Variants in ACSBG2 observed in about 807,000 individuals in gnomAD.
ACSBG2 encodes the protein long-chain-fatty-acid--CoA ligase ACSBG2.
In ACSBG2, 62 loss-of-function variants were observed where a neutral mutation model predicts 74.7. The ratio of observed to expected loss-of-function variants is 0.83; its 90% CI spans 0.68 to 1.03. The LOEUF is 1.03. Among genes scored for constraint, ACSBG2 ranks in the 50% least tolerant of loss-of-function variants. ACSBG2 has a pLI of 0.00. For synonymous variants in ACSBG2, 309 were observed against 294.1 expected (o/e 1.05, Z -0.52); for missense variants, 730 against 817.6 (o/e 0.89, Z 1.31).
At chr19:6,192,605 G>A (rs1271172989) in intron 14 of ACSBG2, 63 bp from the exon 15 acceptor site, 1 of 152,146 alleles carries the variant, frequency 6.6e-6, no homozygotes, top group Non-Finnish European at 1.5e-5. Context: ...GTGGGATCTT[G>A]GAGACTGAAT....
At chr19:6,137,146 G>A (rs1425185848) in intron 1 of ACSBG2, among the ~76,000 whole-genome samples, 1 of 150,310 alleles carries the variant, frequency 6.7e-6, no homozygotes, top group Non-Finnish European at 1.5e-5. Context: ...AAGAAAAGAG[G>A]GGCCTGGTGT....
At chr19:6,190,823 A>G in intron 14 of ACSBG2, 131 bp downstream of exon 14, 1 of 535,640 alleles carries the variant, frequency 1.9e-6, no homozygotes. Context: ...ACACACACAC[A>G]CACACACACA....
In ACSBG2 at chr19:6,182,931, G is replaced by A. The variant is rs746062729; in HGVS notation, c.1087G>A (p.Gly363Arg). ...CAAGGTCAACTCAAAAAAGATGTTG[G>A]GGTAGGTGGAGCATCCAGAGGGCTG... ...GFKVNSKKML[G>R]KYNTPVSYRM... The change falls in exon 9 of 15, where the codon GGG (glycine) becomes AGG (arginine). Residue 363 changes from glycine to arginine, a missense_variant and splice_region_variant. Physicochemically the swap from Gly to Arg is moderately radical, Grantham distance 125 (BLOSUM62 -2). Coordinates refer to ENST00000588485, the MANE Select transcript of ACSBG2 (RefSeq NM_030924.5). The A allele has an allele frequency of 2.5e-6, 4 of 1,614,052 alleles. No homozygotes were observed. In the Admixed American group the frequency reaches 6.7e-5, roughly 27 times the overall value.
At chr19:6,173,683 C>T (rs1019258444) in intron 7 of ACSBG2, among the ~76,000 whole-genome samples, 7 of 152,144 alleles carry the variant, frequency 4.6e-5, no homozygotes, top group Non-Finnish European at 1.0e-4. Context: ...CAAAACTTAT[C>T]CATTTACCAG....
At chr19:6,144,205 C>T (rs2088949043) in intron 2 of ACSBG2, among the ~76,000 whole-genome samples, 3 of 152,160 alleles carry the variant, frequency 2.0e-5, no homozygotes, top group Admixed American at 2.0e-4. Context: ...GCCATGTTAG[C>T]GAGGATGGTC....
rs965902278 is a variant in ACSBG2, at chr19:6,151,226, TAA to T, written c.298-479_298-478del. On this transcript the variant is annotated intron_variant, in intron 3 of 14. Coordinates refer to ENST00000588485, the MANE Select transcript of ACSBG2 (RefSeq NM_030924.5). Reference sequence around the variant, plus strand: ...AAATGGTGTGTTATGTAGAGGGAGGTAAACAAACCTCCCGTAGTCATAAAAAT... The same window carrying T: ...AAATGGTGTGTTATGTAGAGGGAGGTACAAACCTCCCGTAGTCATAAAAAT... Among the ~76,000 whole-genome samples the T allele has an allele frequency of 1.2e-4, 18 of 151,076 alleles. 1 individual carries two copies. Among genetic ancestry groups the T allele is most frequent in the African/African-American group, 4.4e-4 (18 of 41,110 alleles).
chr19:6,141,385 G>T, intron 1 of ACSBG2, 128 bp from the exon 2 acceptor site: 2 of 600,838 alleles, frequency 3.3e-6, no homozygotes, highest in Non-Finnish European at 3.0e-6. Flanking sequence ...CTCCTCCCAG[G>T]CCCAGGACAG....
rs557666872 is a variant in ACSBG2 at position 6,155,237 on chromosome 19, T to C, written c.387-1194T>C. On this transcript the variant is annotated intron_variant, in intron 4 of 14. Transcript: ENST00000588485. ...GTTCAGTGGTGCTGGACCAACTGGA[T>C]ATTTGTATGGAAAAATAAATCAGCC... 1.8e-4 allele frequency among the ~76,000 whole-genome samples: 28 copies of C among 152,260 alleles called. No homozygotes were observed. In the South Asian group the frequency reaches 5.4e-3, roughly 29 times the overall value.
rs144241184 is a variant in ACSBG2, at chr19:6,167,420, T to C, written c.738+1405T>C. Among the ~76,000 whole-genome samples, 420 of 152,320 alleles carry C rather than the reference T, an allele frequency of 2.8e-3. 4 individuals are homozygous for C. The highest frequency in any genetic ancestry group is 9.7e-3 in the African/African-American group (404 of 41,584). ...ATTGCAAAAGTCAGCCTCCACTCCCTTAATACACTGTCTCAGCTAGTGCTG... is the reference window on the plus strand; with the variant it reads ...ATTGCAAAAGTCAGCCTCCACTCCCCTAATACACTGTCTCAGCTAGTGCTG... On this transcript the variant is annotated intron_variant, in intron 7 of 14. Coordinates refer to ENST00000588485, the MANE Select transcript of ACSBG2 (RefSeq NM_030924.5).
At position 6,185,672 on chromosome 19, in the gene ACSBG2, T is replaced by C. The variant is rs552186544; in HGVS notation, c.1540+19T>C. ...ATCAAAGGTACCAGGGGCTGAGCTC[T>C]TTGGGAATCTCCTGCAAGCAGGCCC... On this transcript the variant is annotated intron_variant, in intron 11 of 14. Coordinates refer to ENST00000588485, the MANE Select transcript of ACSBG2 (RefSeq NM_030924.5). 21 of 1,613,096 alleles carry C rather than the reference T, an allele frequency of 1.3e-5. No homozygotes were observed. The South Asian group carries it at 2.1e-4, about 16-fold the overall frequency.
In ACSBG2 at chr19:6,165,937, G is replaced by A. The variant is rs777999286; in HGVS notation, c.660G>A (p.Lys220=). ...TQLEQVIESQ[K]ANQCAVLIYT... is the part of the protein sequence containing the mutation. ...TGGAGCAGGTCATCGAGAGCCAGAA[G>A]GCGAATCAATGCGCAGTGCTCATCT... Residue 220 remains lysine (K), a synonymous_variant, in exon 7 of 15, where the codon AAG becomes AAA. Transcript: ENST00000588485. The A allele has an allele frequency of 3.7e-6, 6 of 1,613,862 alleles. No homozygotes were observed. The African/African-American group carries it at 8.0e-5, about 22-fold the overall frequency.
At chr19:6,183,795 GTTTA>G (rs2090327596) in intron 10 of ACSBG2, among the ~76,000 whole-genome samples, 1 of 152,090 alleles carries the variant, frequency 6.6e-6, no homozygotes, top group South Asian at 2.1e-4. Flanking sequence ...TCATACATGT[GTTTA>G]TTTATTAAAT....
chr19:6,145,174 G>A (rs910012871), intron 2 of ACSBG2, among the ~76,000 whole-genome samples: 7 of 152,096 alleles, frequency 4.6e-5, no homozygotes, highest in East Asian at 3.9e-4. Flanking sequence ...CGAGGCAGGC[G>A]GATCACAAGG....
chr19:6,169,652 A>C (rs2089909624), intron 7 of ACSBG2, among the ~76,000 whole-genome samples: 1 of 152,148 alleles, frequency 6.6e-6, no homozygotes, highest in Non-Finnish European at 1.5e-5. Flanking sequence ...ATTGTGATGA[A>C]TCTGTAGATT....
At chr19:6,189,245 G>A (rs972089482) in intron 13 of ACSBG2, among the ~76,000 whole-genome samples, 2 of 152,104 alleles carry the variant, frequency 1.3e-5, no homozygotes, top group African/African-American at 4.8e-5. Context: ...GTAGCTTGCT[G>A]CCACCCCCAT....
At chr19:6,166,578 G>T (rs889871300) in intron 7 of ACSBG2, among the ~76,000 whole-genome samples, 1 of 152,190 alleles carries the variant, frequency 6.6e-6, no homozygotes, top group Non-Finnish European at 1.5e-5. Flanking sequence ...CTCCCAAAGT[G>T]CTGGGATTAC....
chr19:6,176,087 C>T (rs1408529261), intron 7 of ACSBG2: 6 of 335,482 alleles, frequency 1.8e-5, no homozygotes, highest in Non-Finnish European at 3.2e-5. Flanking sequence ...AATTTTGCAA[C>T]TCCTCCTAAC....
intron 13 of ACSBG2, among the ~76,000 whole-genome samples, chr19:6,188,640 C>T (rs1044776150): frequency 6.6e-6 from 1 of 152,036 alleles, no homozygotes; most frequent in Non-Finnish European, 1.5e-5. Flanking sequence ...AAACAAAAAA[C>T]AAACAAACAA....
At chr19:6,137,230 C>T (rs916037651) in intron 1 of ACSBG2, 4 of 113,840 alleles carry the variant, frequency 3.5e-5, no homozygotes, top group Non-Finnish European at 5.2e-5. Context: ...GGGGGGCTTG[C>T]TTGAGGCCAG....
Sources: gnomAD v4.1 joint callset for allele counts (sites outside exome capture counted in the v4.1 genomes callset) on GRCh38, gnomAD v4.1.1 for gene constraint, MANE v1.5 for transcripts, NCBI Gene and HGNC (gene_info 2026-07-23, HGNC 2026-07-21) for gene names.